CATSPERB: variants seen among roughly 807,000 people sequenced by gnomAD.
CATSPERB encodes catsper channel auxiliary subunit beta.
CATSPERB carries 93 observed loss-of-function variants against 128.3 expected under a neutral mutation model. The ratio of observed to expected loss-of-function variants is 0.72; its 90% CI spans 0.61 to 0.86. The LOEUF (loss-of-function observed/expected upper bound fraction) is 0.86. Among genes scored for constraint, CATSPERB ranks in the 40% least tolerant of loss-of-function variants. The probability of loss-of-function intolerance (pLI) is 0.00; values close to 1 mark genes in which losing one functional copy is unlikely to be tolerated. For missense variants in CATSPERB, 1,153 were observed against 1,329.5 expected (o/e 0.87, Z 2.06); for synonymous variants, 381 against 448.8 (o/e 0.85, Z 1.91).
chr14:91,648,580 T>C (rs1894647261), intron 15 of CATSPERB, among the ~76,000 whole-genome samples: 1 of 150,600 alleles, frequency 6.6e-6, no homozygotes, highest in African/African-American at 2.4e-5. Context: ...TATTTACATA[T>C]CTTGTATTCT....
chr14:91,593,782 T>A (rs1013311951), intron 22 of CATSPERB, among the ~76,000 whole-genome samples: 8 of 152,098 alleles, frequency 5.3e-5, no homozygotes, highest in African/African-American at 1.9e-4. Context: ...GGACATGAGA[T>A]CTGGAGGGGC....
chr14:91,725,975 GAGA>G (rs1475837779), intron 2 of CATSPERB, among the ~76,000 whole-genome samples: 3 of 152,132 alleles, frequency 2.0e-5, no homozygotes, highest in African/African-American at 7.2e-5. Context: ...GCAGAGAGAA[GAGA>G]AGGAGCATCT....
chr14:91,700,454 AT>A (rs1244924498), intron 7 of CATSPERB, among the ~76,000 whole-genome samples: 9 of 152,200 alleles, frequency 5.9e-5, no homozygotes, highest in African/African-American at 2.2e-4. Context: ...CTGCTCCTCA[AT>A]TTTTTGGGAA....
chr14:91,582,316 C>T (rs550833954), intron 26 of CATSPERB, among the ~76,000 whole-genome samples: 1 of 152,366 alleles, frequency 6.6e-6, no homozygotes, highest in African/African-American at 2.4e-5. Context: ...CATTCAAAGC[C>T]TTCCACAATT....
chr14:91,701,858 C>T (rs773490137), intron 7 of CATSPERB, among the ~76,000 whole-genome samples: 2 of 151,078 alleles, frequency 1.3e-5, no homozygotes, highest in Non-Finnish European at 2.9e-5. Context: ...CTGTAGTGAG[C>T]CATGATTGTG....
In CATSPERB at chr14:91,619,725, C is replaced by T. The variant is rs186468281; in HGVS notation, c.2260+1883G>A. On this transcript the variant is annotated intron_variant, in intron 19 of 26. Coordinates refer to ENST00000256343, the MANE Select transcript of CATSPERB (RefSeq NM_024764.4). Reference sequence around the variant, plus strand: ...ACTCTCTGTTATGGTGGGTCATTTCCTTACATAGTTTTAAAGTTCTTTTCC... The same window carrying T: ...ACTCTCTGTTATGGTGGGTCATTTCTTTACATAGTTTTAAAGTTCTTTTCC... Among the ~76,000 whole-genome samples, 713 of 152,072 alleles carry T rather than the reference C, an allele frequency of 4.7e-3. 3 individuals carry two copies. The highest frequency in any genetic ancestry group is 0.016 in the African/African-American group (678 of 41,508).
chr14:91,664,682 A>G (rs945298307), intron 14 of CATSPERB, among the ~76,000 whole-genome samples: 2 of 152,030 alleles, frequency 1.3e-5, no homozygotes, highest in Non-Finnish European at 2.9e-5. Context: ...CTCACATCCA[A>G]CTGGACCATT....
chr14:91,688,680 T>C (rs1895415504), intron 10 of CATSPERB, among the ~76,000 whole-genome samples: 1 of 152,178 alleles, frequency 6.6e-6, no homozygotes, highest in Admixed American at 6.5e-5. Flanking sequence ...GCCACTACTC[T>C]GCATTTAAAC....
intron 11 of CATSPERB, among the ~76,000 whole-genome samples, chr14:91,680,694 C>G (rs1895265937): frequency 6.6e-6 from 1 of 151,912 alleles, no homozygotes; most frequent in Non-Finnish European, 1.5e-5. Flanking sequence ...CATACCACCC[C>G]AGCATTAGTA....
chr14:91,585,942 A>C (rs560943156), intron 26 of CATSPERB, among the ~76,000 whole-genome samples: 2 of 152,240 alleles, frequency 1.3e-5, no homozygotes, highest in Non-Finnish European at 2.9e-5. Context: ...GGTTGAGTTC[A>C]GGTCACAAGT....
At chr14:91,712,081 GAA>G (rs1895849939) in intron 5 of CATSPERB, among the ~76,000 whole-genome samples, 2 of 152,214 alleles carry the variant, frequency 1.3e-5, no homozygotes, top group Admixed American at 6.5e-5. Flanking sequence ...TGCTTAGAGA[GAA>G]ATATATAGCA....
chr14:91,591,589 G>A (rs912906780), intron 23 of CATSPERB, among the ~76,000 whole-genome samples: 2 of 151,532 alleles, frequency 1.3e-5, no homozygotes, highest in Non-Finnish European at 2.9e-5. Context: ...ATGTTTTACA[G>A]ACTACAAGTT....
chr14:91,661,699 A>G (rs988440372), intron 14 of CATSPERB, among the ~76,000 whole-genome samples: 1 of 151,776 alleles, frequency 6.6e-6, no homozygotes, highest in African/African-American at 2.4e-5. Flanking sequence ...TGCCCGGCTA[A>G]TTTTTGTAGA....
chr14:91,641,377 G>A (rs1399387940), intron 15 of CATSPERB, among the ~76,000 whole-genome samples: 5 of 150,646 alleles, frequency 3.3e-5, no homozygotes, highest in Admixed American at 2.0e-4. Flanking sequence ...TAGGTCTAAC[G>A]TTTAAATCTT....
intron 20 of CATSPERB, among the ~76,000 whole-genome samples, chr14:91,616,004 C>T (rs1043714546): frequency 2.6e-5 from 4 of 151,762 alleles, no homozygotes; most frequent in East Asian, 1.9e-4. Flanking sequence ...CTCAGCCTCC[C>T]GAGTAGCTGG....
At chr14:91,592,453 T>C (rs976749420) in intron 22 of CATSPERB, 3 of 168,516 alleles carry the variant, frequency 1.8e-5, no homozygotes, top group African/African-American at 7.2e-5. Flanking sequence ...ATCTCCACTA[T>C]ATCTGCCCAT....
At chr14:91,726,243 A>G (rs1014559276) in intron 2 of CATSPERB, among the ~76,000 whole-genome samples, 1 of 152,236 alleles carries the variant, frequency 6.6e-6, no homozygotes, top group East Asian at 1.9e-4. Context: ...AGCAAGGCTA[A>G]GATGGTGCAC....
At chr14:91,683,551 T>G (rs1895322765) in intron 11 of CATSPERB, among the ~76,000 whole-genome samples, 1 of 152,148 alleles carries the variant, frequency 6.6e-6, no homozygotes. Context: ...AGGGGCTAAT[T>G]TTGAGACAAA....
chr14:91,692,086 A>C (rs1176644045), intron 9 of CATSPERB, among the ~76,000 whole-genome samples: 1 of 151,044 alleles, frequency 6.6e-6, no homozygotes, highest in African/African-American at 2.4e-5. Flanking sequence ...CGGAGGCAGG[A>C]GAATTGTTTG....
Sources: gnomAD v4.1 joint callset for allele counts (sites outside exome capture counted in the v4.1 genomes callset) on GRCh38, gnomAD v4.1.1 for gene constraint, MANE v1.5 for transcripts, NCBI Gene and HGNC (gene_info 2026-07-23, HGNC 2026-07-21) for gene names.